CSMD2: variants seen among roughly 807,000 people sequenced by gnomAD.
The protein encoded by CSMD2 is CUB and sushi domain-containing protein 2.
In CSMD2, 130 loss-of-function variants were observed where a neutral mutation model predicts 398.5. That is an observed-to-expected ratio of 0.33 (90% CI 0.28 to 0.38). The LOEUF (loss-of-function observed/expected upper bound fraction) is 0.38, where lower values mean the gene tolerates loss of function less well. Among genes scored for constraint, CSMD2 ranks in the 10% least tolerant of loss-of-function variants. The pLI is 1.00. For missense variants in CSMD2, 3,829 were observed against 4,764.9 expected, an observed-to-expected ratio of 0.80 and a Z score of 5.78; for synonymous variants, 1,828 against 1,908.5, an observed-to-expected ratio of 0.96 and a Z score of 1.10.
intron 1 of CSMD2, among the ~76,000 whole-genome samples, chr1:34,102,654 A>C (rs75741436): frequency 1.7e-5 from 1 of 59,068 alleles, no homozygotes; most frequent in African/African-American, 7.7e-5. Flanking sequence ...CCTGTAATCC[A>C]ACCATATCCC....
intron 32 of CSMD2, among the ~76,000 whole-genome samples, chr1:33,626,804 C>T (rs1193698634): frequency 6.6e-6 from 1 of 152,168 alleles, no homozygotes; most frequent in Non-Finnish European, 1.5e-5. Context: ...CCTGTGGTCA[C>T]TGTGAGGTTG....
chr1:33,962,398 T>C (rs1645394628), intron 3 of CSMD2, among the ~76,000 whole-genome samples: 1 of 152,196 alleles, frequency 6.6e-6, no homozygotes, highest in Non-Finnish European at 1.5e-5. Flanking sequence ...ATGTGCAGCA[T>C]CTGTGCAAAC....
At chr1:34,083,094 AAAG>A (rs1657442792) in intron 2 of CSMD2, among the ~76,000 whole-genome samples, 1 of 152,070 alleles carries the variant, frequency 6.6e-6, no homozygotes, top group Admixed American at 6.6e-5. Context: ...AAAAAAAAAA[AAAG>A]AAATCAAGGA....
chr1:33,550,396 C>T (rs748673095), intron 55 of CSMD2, 46 bp from the exon 56 acceptor site: 2 of 1,568,820 alleles, frequency 1.3e-6, no homozygotes, highest in Admixed American at 1.7e-5. Context: ...ACAGGGATGG[C>T]TCACCATCAC....
At chr1:33,789,091 G>A (rs980331964) in intron 11 of CSMD2, among the ~76,000 whole-genome samples, 2 of 152,136 alleles carry the variant, frequency 1.3e-5, no homozygotes, top group South Asian at 4.1e-4. Flanking sequence ...CTGTATTGCA[G>A]AAAAGACCAC....
At chr1:33,772,145 T>A (rs892377987) in intron 13 of CSMD2, 1 of 158,764 alleles carries the variant, frequency 6.3e-6, no homozygotes, top group African/African-American at 2.4e-5. Context: ...GCAAGGCCAG[T>A]TTCCCACAGT....
chr1:33,809,873 G>C (rs964854488), intron 10 of CSMD2, among the ~76,000 whole-genome samples: 1 of 151,964 alleles, frequency 6.6e-6, no homozygotes, highest in Admixed American at 6.5e-5. Flanking sequence ...CAAGAAACAA[G>C]TAGAATGTGC....
intron 1 of CSMD2, among the ~76,000 whole-genome samples, chr1:34,155,820 C>T (rs546336849): frequency 7.2e-5 from 11 of 152,318 alleles, no homozygotes; most frequent in Admixed American, 1.3e-4. Context: ...TCTCTTTGGA[C>T]GCTTCTTTTT....
chr1:33,712,072 A>C (rs1430895968), intron 21 of CSMD2, among the ~76,000 whole-genome samples: 4 of 152,220 alleles, frequency 2.6e-5, no homozygotes, highest in African/African-American at 9.6e-5. Flanking sequence ...ACCACAGGTA[A>C]GTGCTGTGGC....
At chr1:33,835,467 A>C (rs1414851946) in intron 6 of CSMD2, among the ~76,000 whole-genome samples, 1 of 52,694 alleles carries the variant, frequency 1.9e-5, no homozygotes, top group Non-Finnish European at 2.9e-5. Flanking sequence ...TCACATGGAC[A>C]CAGGAAGGGG....
chr1:34,013,338 A>G (rs1570807982), intron 3 of CSMD2, among the ~76,000 whole-genome samples: 1 of 152,148 alleles, frequency 6.6e-6, no homozygotes, highest in Non-Finnish European at 1.5e-5. Context: ...CCATGCACAC[A>G]CACGACCTGC....
At chr1:33,915,324 G>A (rs188610060) in intron 5 of CSMD2, among the ~76,000 whole-genome samples, 2 of 152,134 alleles carry the variant, frequency 1.3e-5, no homozygotes, top group African/African-American at 4.8e-5. Flanking sequence ...TAAAGGAGAG[G>A]GGCAAGGGAG....
chr1:33,534,315 C>T (rs964591937), intron 62 of CSMD2, among the ~76,000 whole-genome samples: 10 of 152,268 alleles, frequency 6.6e-5, no homozygotes, highest in African/African-American at 9.6e-5. Context: ...AATGTGATGG[C>T]GGATTTGACA....
chr1:33,973,556 A>G (rs1645849192), intron 3 of CSMD2, among the ~76,000 whole-genome samples: 1 of 152,212 alleles, frequency 6.6e-6, no homozygotes, highest in African/African-American at 2.4e-5. Flanking sequence ...GCTGGGTGTG[A>G]TAACTGCATT....
At chr1:33,881,062 G>T (rs867323203) in intron 5 of CSMD2, among the ~76,000 whole-genome samples, 4 of 152,174 alleles carry the variant, frequency 2.6e-5, no homozygotes, top group Non-Finnish European at 5.9e-5. Context: ...TAATGACCTC[G>T]CTGGTAGGGA....
chr1:33,617,388 A>T (rs1045592747), intron 38 of CSMD2, 111 bp downstream of exon 38: 2 of 765,364 alleles, frequency 2.6e-6, no homozygotes, highest in African/African-American at 3.4e-5. Flanking sequence ...TACCCGGGGG[A>T]CCTGGGGGCT....
rs558050988 is a variant in CSMD2, at chr1:33,764,656, C to A, written c.1846+7913G>T. On this transcript the variant is annotated intron_variant, in intron 13 of 70. Transcript: ENST00000373381. Reference sequence around the variant, plus strand: ...TTAAGCAGAGGAAGCTCACACCGATCACGGTCCCTGGCCTAATCACAAACA... The same window carrying A: ...TTAAGCAGAGGAAGCTCACACCGATAACGGTCCCTGGCCTAATCACAAACA... 9.8e-5 allele frequency among the ~76,000 whole-genome samples: 15 copies of A among 152,334 alleles called. No homozygotes were observed. The South Asian group carries it at 2.9e-3, about 29-fold the overall frequency.
Position 34,164,443 on chromosome 1 carries a change from C to G in CSMD2, c.187+468G>C, listed in dbSNP as rs1641675619. Among the ~76,000 whole-genome samples, 1 of 151,996 alleles carries G rather than the reference C, an allele frequency of 6.6e-6. No individual in the cohort carries two copies. The highest frequency in any genetic ancestry group is 2.4e-5 in the African/African-American group (1 of 41,398). On this transcript the variant is annotated intron_variant, in intron 1 of 70. Transcript: ENST00000373381. This position sits in a 1 kb window ranked among gnomAD's most constrained non-coding sequence, Gnocchi z 6.2. ...TGGGCGGGGGCAGGGAAGGGCAGACCTTGCAGACGCAGAAATGGGGAGGGG... is the reference window on the plus strand; with the variant it reads ...TGGGCGGGGGCAGGGAAGGGCAGACGTTGCAGACGCAGAAATGGGGAGGGG...
intron 2 of CSMD2, among the ~76,000 whole-genome samples, chr1:34,056,224 T>C (rs529634610): frequency 2.6e-5 from 4 of 152,110 alleles, no homozygotes; most frequent in African/African-American, 9.7e-5. Context: ...TGATATCTCC[T>C]CAGGAACACC....
Sources: allele counts gnomAD v4.1 joint callset (sites outside exome capture counted in the v4.1 genomes callset), GRCh38; gene constraint gnomAD v4.1.1; non-coding constraint Gnocchi (gnomAD v3.1); transcripts MANE v1.5; gene names NCBI Gene and HGNC (gene_info 2026-07-23, HGNC 2026-07-21).